Variants in ZNF536 observed in about 807,000 individuals in gnomAD.
ZNF536 encodes zinc finger protein 536.
A neutral mutation model predicts 84.5 loss-of-function variants in ZNF536; 13 were observed. The observed-to-expected ratio is 0.15, with a 90% CI of 0.10 to 0.24. The LOEUF (loss-of-function observed/expected upper bound fraction) is 0.24, where lower values mean the gene tolerates loss of function less well. Ranked by LOEUF, ZNF536 falls within the 10% of genes least tolerant of loss-of-function variation. The pLI is 1.00. For synonymous variants in ZNF536, 811 were observed against 742.5 expected (o/e 1.09, Z -1.50); for missense variants, 1,536 against 1,747.5 (o/e 0.88, Z 2.16).
intron 1 of ZNF536, among the ~76,000 whole-genome samples, chr19:30,392,753 A>G (rs553633209): frequency 6.6e-6 from 1 of 152,214 alleles, no homozygotes. Context: ...ACTACATTAC[A>G]TTACAGTAGA....
At chr19:30,593,143 T>C (rs2047331798) in intron 1 of ZNF536, among the ~76,000 whole-genome samples, 1 of 152,174 alleles carries the variant, frequency 6.6e-6, no homozygotes, top group South Asian at 2.1e-4. Context: ...TACCCACAAC[T>C]GGAGGCCTAC....
At chr19:30,566,320 C>T (rs1275046255) in intron 1 of ZNF536, among the ~76,000 whole-genome samples, 1 of 152,194 alleles carries the variant, frequency 6.6e-6, no homozygotes. Flanking sequence ...GGAACAGCTC[C>T]CTTTATCCCA....
intron 2 of ZNF536, among the ~76,000 whole-genome samples, chr19:30,454,254 G>T (rs777200904): frequency 2.6e-5 from 4 of 152,190 alleles, no homozygotes; most frequent in Non-Finnish European, 4.4e-5. Context: ...TCTTTTGTCT[G>T]ACCTCAGTTC....
At chr19:30,413,848 T>C in intron 1 of ZNF536, among the ~76,000 whole-genome samples, 1 of 152,042 alleles carries the variant, frequency 6.6e-6, no homozygotes, top group East Asian at 1.9e-4. Context: ...TCTCAGCATT[T>C]TGGGAGGCCG....
chr19:30,705,303 A>C (rs2052177675), intron 1 of ZNF536, among the ~76,000 whole-genome samples: 1 of 144,620 alleles, frequency 6.9e-6, no homozygotes, highest in Non-Finnish European at 1.5e-5. Flanking sequence ...CAAACAACTC[A>C]GAAAGATGTG....
At chr19:30,423,609 T>G (rs2051076628) in intron 1 of ZNF536, among the ~76,000 whole-genome samples, 2 of 152,202 alleles carry the variant, frequency 1.3e-5, no homozygotes, top group Admixed American at 6.5e-5. Flanking sequence ...GTTCCATAGA[T>G]CAGAGGTTGC....
rs779385772 is a variant in ZNF536, at chr19:30,444,814, A to G, written c.1252A>G (p.Met418Val). ...DPEVPVPMGG[M>V]SQEAHANLYS... Reference sequence around the variant, plus strand: ...CGAGGTGCCTGTGCCCATGGGCGGCATGTCCCAGGAGGCCCACGCCAACCT... The same window carrying G: ...CGAGGTGCCTGTGCCCATGGGCGGCGTGTCCCAGGAGGCCCACGCCAACCT... Residue 418 changes from methionine to valine, a missense_variant, in exon 2 of 5, where the codon ATG becomes GTG. Coordinates refer to ENST00000355537, the MANE Select transcript of ZNF536 (RefSeq NM_014717.3). 2 of 1,613,846 alleles carry G rather than the reference A, an allele frequency of 1.2e-6. No homozygotes were observed. The highest frequency in any genetic ancestry group is 1.7e-6 in the Non-Finnish European group (2 of 1,180,034).
At chr19:30,350,487 A>C (rs1051972720) in intron 2 of ZNF536, among the ~76,000 whole-genome samples, 1 of 152,242 alleles carries the variant, frequency 6.6e-6, no homozygotes, top group African/African-American at 2.4e-5. Flanking sequence ...TGTGCAATCA[A>C]TTACTGATGT....
intron 2 of ZNF536, among the ~76,000 whole-genome samples, chr19:30,320,616 C>A (rs2046822153): frequency 6.6e-6 from 1 of 152,080 alleles, no homozygotes; most frequent in South Asian, 2.1e-4. Context: ...CCCACGGAGC[C>A]CCCGTCAGAG....
At chr19:30,521,523 C>A (rs1372328874) in intron 2 of ZNF536, among the ~76,000 whole-genome samples, 1 of 152,164 alleles carries the variant, frequency 6.6e-6, no homozygotes, top group East Asian at 1.9e-4. Context: ...GAAAAACAAG[C>A]AAACTTGACC....
intron 3 of ZNF536, among the ~76,000 whole-genome samples, chr19:30,537,691 C>T (rs1246161482): frequency 6.6e-6 from 1 of 152,180 alleles, no homozygotes; most frequent in Non-Finnish European, 1.5e-5. Context: ...TATTGCTCTT[C>T]GCAGTTTTCA....
chr19:30,405,435 T>A, intron 1 of ZNF536, among the ~76,000 whole-genome samples: 1 of 152,146 alleles, frequency 6.6e-6, no homozygotes, highest in East Asian at 1.9e-4. Context: ...CTTCCTGAAC[T>A]TGGGGTCTCC....
chr19:30,594,482 C>T (rs1245703759), intron 1 of ZNF536, among the ~76,000 whole-genome samples: 7 of 152,200 alleles, frequency 4.6e-5, no homozygotes, highest in Non-Finnish European at 1.0e-4. Flanking sequence ...CGCCTTTCTC[C>T]CTACCTCCCT....
chr19:30,660,886 C>T (rs2050098553), intron 1 of ZNF536, among the ~76,000 whole-genome samples: 1 of 152,164 alleles, frequency 6.6e-6, no homozygotes, highest in Admixed American at 6.5e-5. Context: ...TGTACATATA[C>T]ATACACAAAA....
chr19:30,381,257 G>C (rs1290318349), intron 1 of ZNF536, among the ~76,000 whole-genome samples: 2 of 152,326 alleles, frequency 1.3e-5, no homozygotes, highest in Non-Finnish European at 1.5e-5. Flanking sequence ...ATGCTCCTTT[G>C]CATCTCCTAT....
At chr19:30,479,913 G>A (rs532585704) in intron 2 of ZNF536, among the ~76,000 whole-genome samples, 16 of 152,232 alleles carry the variant, frequency 1.1e-4, no homozygotes, top group Non-Finnish European at 2.1e-4. Flanking sequence ...GACACCTGAT[G>A]TCTAATGCAG....
chr19:30,581,028 AGCTT>A (rs2046902503), intron 1 of ZNF536, among the ~76,000 whole-genome samples: 1 of 152,272 alleles, frequency 6.6e-6, no homozygotes, highest in Admixed American at 6.5e-5. Context: ...GAGCAGGAAA[AGCTT>A]GCTTTAGAAA....
In ZNF536 at chr19:30,338,313, TATG is replaced by T. The variant is rs776102610; in HGVS notation, c.-119-14041_-119-14039del. 2.2e-3 allele frequency among the ~76,000 whole-genome samples: 326 copies of T among 150,686 alleles called. 1 individual carries two copies. The highest frequency in any genetic ancestry group is 3.8e-3 in the Non-Finnish European group (254 of 67,722). On this transcript the variant is annotated intron_variant, in intron 2 of 5. Coordinates refer to the ZNF536 transcript ENST00000585628. Reference sequence around the variant, plus strand: ...GATAATATGATGATGACAATGATAATATGATGATGATGATGACAATGTTGATAG... The same window carrying T: ...GATAATATGATGATGACAATGATAATATGATGATGATGACAATGTTGATAG...
At chr19:30,300,992 G>T (rs2046162780) in intron 2 of ZNF536, among the ~76,000 whole-genome samples, 1 of 152,226 alleles carries the variant, frequency 6.6e-6, no homozygotes, top group South Asian at 2.1e-4. Flanking sequence ...GATAGGAGAG[G>T]CTGGGTCCTT....
Sources: allele counts gnomAD v4.1 joint callset (sites outside exome capture counted in the v4.1 genomes callset), GRCh38; gene constraint gnomAD v4.1.1; transcripts MANE v1.5; gene names NCBI Gene and HGNC (gene_info 2026-07-23, HGNC 2026-07-21).